The following COL24A1 variants were observed in gnomAD, a reference collection of about 807,000 sequenced individuals.
COL24A1 encodes collagen type XXIV alpha 1 chain.
A neutral mutation model predicts 253.9 loss-of-function variants in COL24A1; 224 were observed. That is an observed-to-expected ratio of 0.88 (90% CI 0.79 to 0.99). COL24A1 has a LOEUF of 0.99. Among genes scored for constraint, COL24A1 ranks in the 50% least tolerant of loss-of-function variants. The pLI, the probability that COL24A1 is intolerant of heterozygous loss-of-function variation, is 0.00. For missense variants in COL24A1, 2,131 were observed against 2,068.5 expected (o/e 1.03, Z -0.59); for synonymous variants, 685 against 673.7 (o/e 1.02, Z -0.26).
chr1:85,778,023 C>CTCTATCTA (rs71075864), intron 52 of COL24A1, among the ~76,000 whole-genome samples: 66,393 of 148,948 alleles, frequency 0.45, 14,774 homozygotes, highest in South Asian at 0.47. Flanking sequence ...ATGTCTCTAT[C>CTCTATCTA]TCTATCTATC....
At chr1:85,734,100 A>T (rs1352693995) in intron 59 of COL24A1, among the ~76,000 whole-genome samples, 7 of 140,628 alleles carry the variant, frequency 5.0e-5, no homozygotes, top group South Asian at 4.6e-4. Flanking sequence ...ACGGGGTTTC[A>T]CCATGTTGGC....
chr1:86,079,782 A>G (rs1026917862), intron 7 of COL24A1, among the ~76,000 whole-genome samples: 3 of 152,178 alleles, frequency 2.0e-5, no homozygotes, highest in African/African-American at 4.8e-5. Context: ...AATGCTGGCG[A>G]GGATGTGGAA....
chr1:85,802,769 G>A lies in COL24A1; in HGVS notation c.3951+14019C>T, dbSNP rs555757237. Reference sequence around the variant, plus strand: ...ATGCACTTCTATCTCCTGAAAACCCGATTAGCTTTTTATCATTACAGATTA... The same window carrying A: ...ATGCACTTCTATCTCCTGAAAACCCAATTAGCTTTTTATCATTACAGATTA... On this transcript the variant is annotated intron_variant, in intron 47 of 59. Coordinates refer to ENST00000370571, the MANE Select transcript of COL24A1 (RefSeq NM_152890.7). Among the ~76,000 whole-genome samples the A allele has an allele frequency of 1.2e-4, 18 of 152,132 alleles. No homozygotes were observed. The South Asian group carries it at 2.7e-3, about 23-fold the overall frequency.
chr1:86,064,293 C>T (rs1701321411), intron 7 of COL24A1, among the ~76,000 whole-genome samples: 1 of 152,074 alleles, frequency 6.6e-6, no homozygotes, highest in Non-Finnish European at 1.5e-5. Flanking sequence ...AAAAGGGGTT[C>T]TATAAAGTTG....
In COL24A1 at chr1:85,953,346, G is replaced by A. The variant is rs530805123; in HGVS notation, c.2562+7903C>T. On this transcript the variant is annotated intron_variant, in intron 24 of 59. Transcript: ENST00000370571. ...TCCCTACCTAAGAGAATAGTAACATGTTTTTAGCAAAATAAAGCCAGAGTT... is the reference window on the plus strand; with the variant it reads ...TCCCTACCTAAGAGAATAGTAACATATTTTTAGCAAAATAAAGCCAGAGTT... 2.6e-5 allele frequency among the ~76,000 whole-genome samples: 4 copies of A among 152,210 alleles called. No homozygotes were observed. The South Asian group carries it at 6.2e-4, about 24-fold the overall frequency.
chr1:85,961,155 G>T, intron 24 of COL24A1, 94 bp downstream of exon 24: 2 of 907,058 alleles, frequency 2.2e-6, no homozygotes, highest in South Asian at 1.4e-5. Flanking sequence ...TTCTGATTCC[G>T]AGTAACTTGA....
chr1:86,140,346 A>G (rs1047140765), intron 2 of COL24A1, among the ~76,000 whole-genome samples: 2 of 152,250 alleles, frequency 1.3e-5, no homozygotes, highest in African/African-American at 2.4e-5. Flanking sequence ...TAAAGGTGGC[A>G]ATCGTTTCTT....
chr1:85,775,344 TC>T (rs1668428135), intron 53 of COL24A1, among the ~76,000 whole-genome samples: 1 of 152,178 alleles, frequency 6.6e-6, no homozygotes, highest in South Asian at 2.1e-4. Flanking sequence ...GAATGTATAT[TC>T]TGTTGATTTG....
chr1:85,761,255 C>A, intron 55 of COL24A1, 141 bp downstream of exon 55: 1 of 846,540 alleles, frequency 1.2e-6, no homozygotes, highest in Non-Finnish European at 1.8e-6. Flanking sequence ...GTAGCTGGGC[C>A]AGCCCTGTAT....
At chr1:85,760,257 C>G (rs1361339187) in intron 55 of COL24A1, among the ~76,000 whole-genome samples, 1 of 151,762 alleles carries the variant, frequency 6.6e-6, no homozygotes, top group Non-Finnish European at 1.5e-5. Flanking sequence ...GTTGGCCAGG[C>G]TGGTCTCAAA....
At chr1:86,065,082 G>A (rs1201996447) in intron 7 of COL24A1, among the ~76,000 whole-genome samples, 1 of 152,184 alleles carries the variant, frequency 6.6e-6, no homozygotes, top group Non-Finnish European at 1.5e-5. Context: ...TCCCTGGGAT[G>A]AGGCAGCAGC....
At chr1:85,992,881 A>C (rs1694421555) in intron 19 of COL24A1, among the ~76,000 whole-genome samples, 1 of 152,158 alleles carries the variant, frequency 6.6e-6, no homozygotes, top group South Asian at 2.1e-4. Flanking sequence ...TAATAGAACT[A>C]GTCTGACCAC....
intron 47 of COL24A1, among the ~76,000 whole-genome samples, chr1:85,811,436 CT>C (rs1395864593): frequency 6.6e-6 from 1 of 152,068 alleles, no homozygotes; most frequent in Non-Finnish European, 1.5e-5. Flanking sequence ...GCCGTCAGTT[CT>C]TTTGCATATA....
intron 37 of COL24A1, among the ~76,000 whole-genome samples, chr1:85,867,627 G>C (rs1001727115): frequency 1.3e-5 from 2 of 152,024 alleles, no homozygotes; most frequent in Non-Finnish European, 2.9e-5. Flanking sequence ...AAAGATATGA[G>C]ACAAGAAAAA....
chr1:86,075,935 T>C (rs1169218398), intron 7 of COL24A1, among the ~76,000 whole-genome samples: 1 of 152,142 alleles, frequency 6.6e-6, no homozygotes, highest in Non-Finnish European at 1.5e-5. Flanking sequence ...ACAGCCAATA[T>C]CATACTGAAT....
At chr1:86,025,083 G>T (rs1466822268) in intron 14 of COL24A1, among the ~76,000 whole-genome samples, 1 of 152,102 alleles carries the variant, frequency 6.6e-6, no homozygotes, top group Non-Finnish European at 1.5e-5. Flanking sequence ...CTATGGAATT[G>T]AAATTTCCAA....
At chr1:85,983,724 A>G (rs886340263) in intron 20 of COL24A1, among the ~76,000 whole-genome samples, 1 of 151,840 alleles carries the variant, frequency 6.6e-6, no homozygotes, top group East Asian at 1.9e-4. Context: ...AAAGAAACAC[A>G]TCATGTTAAC....
chr1:86,022,051 G>A (rs537842714), intron 18 of COL24A1, among the ~76,000 whole-genome samples, 189 bp downstream of exon 18: 2 of 152,280 alleles, frequency 1.3e-5, no homozygotes, highest in East Asian at 3.9e-4. Context: ...TTGGCCTAGG[G>A]TTGGGAGTAG....
intron 47 of COL24A1, among the ~76,000 whole-genome samples, chr1:85,796,106 A>C (rs761362131): frequency 2.0e-5 from 3 of 152,192 alleles, no homozygotes; most frequent in Non-Finnish European, 4.4e-5. Flanking sequence ...TGAGCTATAT[A>C]CTAAAGTTAG....
Sources: allele counts gnomAD v4.1 joint callset (sites outside exome capture counted in the v4.1 genomes callset), GRCh38; gene constraint gnomAD v4.1.1; transcripts MANE v1.5; gene names NCBI Gene and HGNC (gene_info 2026-07-23, HGNC 2026-07-21).